The following CDH18 variants were observed in gnomAD, a reference collection of about 807,000 sequenced individuals.
CDH18 encodes the protein cadherin-18.
In CDH18, 31 loss-of-function variants were observed where a neutral mutation model predicts 67.9. That is an observed-to-expected ratio of 0.46 (90% CI 0.34 to 0.62). CDH18 has a LOEUF of 0.62. Ranked by LOEUF, CDH18 falls within the 20% of genes least tolerant of loss-of-function variation. CDH18 has a pLI of 0.01. For missense variants in CDH18, 890 were observed against 975.5 expected (o/e 0.91, Z 1.17); for synonymous variants, 362 against 347.2 (o/e 1.04, Z -0.48).
intron 1 of CDH18, among the ~76,000 whole-genome samples, chr5:20,407,144 C>G (rs959075027): frequency 6.6e-6 from 1 of 152,180 alleles, no homozygotes; most frequent in African/African-American, 2.4e-5. Flanking sequence ...GGCACAGACA[C>G]TTGCCACAGC....
At chr5:19,798,578 T>A (rs1250279429) in intron 3 of CDH18, among the ~76,000 whole-genome samples, 1 of 151,974 alleles carries the variant, frequency 6.6e-6, no homozygotes, top group Non-Finnish European at 1.5e-5. Flanking sequence ...TTTTCCCTCA[T>A]ATTTCATATC....
chr5:20,488,700 T>TATACAC (rs369185147), intron 1 of CDH18, among the ~76,000 whole-genome samples: 3 of 137,304 alleles, frequency 2.2e-5, no homozygotes, highest in African/African-American at 5.4e-5. Context: ...TATATATATA[T>TATACAC]ACACACACAT....
intron 4 of CDH18, among the ~76,000 whole-genome samples, chr5:19,735,262 G>A (rs1220281428): frequency 6.6e-6 from 1 of 151,944 alleles, no homozygotes; most frequent in African/African-American, 2.4e-5. Context: ...TAATCACATG[G>A]AATCTGATCC....
At chr5:19,599,163 T>C (rs1420852891) in intron 6 of CDH18, among the ~76,000 whole-genome samples, 1 of 152,108 alleles carries the variant, frequency 6.6e-6, no homozygotes, top group Non-Finnish European at 1.5e-5. Flanking sequence ...TGTGTGTATA[T>C]ATATTTACAT....
intron 5 of CDH18, among the ~76,000 whole-genome samples, chr5:19,633,261 T>C (rs1304407783): frequency 6.6e-6 from 1 of 152,198 alleles, no homozygotes; most frequent in East Asian, 1.9e-4. Flanking sequence ...ATACAGCTTA[T>C]TTCTCCCAAT....
chr5:20,101,962 T>A (rs928662580), intron 2 of CDH18, among the ~76,000 whole-genome samples: 8 of 151,900 alleles, frequency 5.3e-5, no homozygotes, highest in African/African-American at 1.9e-4. Context: ...TCCTACCTAC[T>A]CAGGAGGCTG....
intron 1 of CDH18, among the ~76,000 whole-genome samples, chr5:20,319,817 CA>C (rs1737830150): frequency 6.6e-6 from 1 of 152,120 alleles, no homozygotes. Context: ...TAGAAACAGT[CA>C]GAGAACTAAT....
chr5:20,203,551 A>T (rs1265871894), intron 2 of CDH18, among the ~76,000 whole-genome samples: 1 of 149,358 alleles, frequency 6.7e-6, no homozygotes, highest in East Asian at 2.0e-4. Context: ...ACTGAGTGGC[A>T]AAAAGGAGGC....
intron 1 of CDH18, among the ~76,000 whole-genome samples, chr5:20,353,220 C>T (rs527319411): frequency 5.9e-5 from 9 of 152,036 alleles, no homozygotes; most frequent in Non-Finnish European, 1.2e-4. Context: ...ATTTGGTTTT[C>T]GTGTTTTGCT....
intron 2 of CDH18, among the ~76,000 whole-genome samples, chr5:19,912,042 G>C (rs2150140555): frequency 6.6e-6 from 1 of 152,142 alleles, no homozygotes; most frequent in African/African-American, 2.4e-5. Flanking sequence ...GGAAATCTAA[G>C]GAGTCATCTA....
rs79753250 is a variant in CDH18, at chr5:20,487,860, C to T, written c.-580+87602G>A. On this transcript the variant is annotated intron_variant, in intron 1 of 14. Coordinates refer to the CDH18 transcript ENST00000507958. ...GACAATATTCCAGATTTTAATATCA[C>T]GAAGATAAATTAGCCATGTTTAATT... Among the ~76,000 whole-genome samples the T allele has an allele frequency of 2.1e-3, 323 of 152,062 alleles. 4 individuals carry two copies. Among genetic ancestry groups the T allele is most frequent in the African/African-American group, 7.5e-3 (313 of 41,474 alleles).
At chr5:20,187,808 G>GTA (rs910187618) in intron 2 of CDH18, among the ~76,000 whole-genome samples, 6 of 151,814 alleles carry the variant, frequency 4.0e-5, no homozygotes, top group African/African-American at 1.4e-4. Context: ...TAAAAGGAAT[G>GTA]TATCTGCACA....
chr5:20,492,555 A>G (rs931379737), intron 1 of CDH18, among the ~76,000 whole-genome samples: 4 of 152,138 alleles, frequency 2.6e-5, no homozygotes, highest in Non-Finnish European at 5.9e-5. Context: ...TCGTTGGTAA[A>G]GTTCATTTTT....
chr5:19,583,029 C>T (rs144853514), intron 7 of CDH18, among the ~76,000 whole-genome samples: 286 of 151,976 alleles, frequency 1.9e-3, no homozygotes, highest in African/African-American at 6.5e-3. Flanking sequence ...ACTCTTAAGA[C>T]CCATCTCAAA....
At chr5:20,431,504 A>AAAAAAAAAAAAAAAGAAG (rs536468948) in intron 1 of CDH18, among the ~76,000 whole-genome samples, 5 of 138,736 alleles carry the variant, frequency 3.6e-5, no homozygotes, top group Admixed American at 7.2e-5. Context: ...AAAAAAAAAA[A>AAAAAAAAAAAAAAAGAAG]AAGAAGAAGA....
intron 2 of CDH18, among the ~76,000 whole-genome samples, chr5:20,056,080 C>A (rs187333257): frequency 1.2e-4 from 17 of 137,614 alleles, no homozygotes; most frequent in African/African-American, 3.8e-4. Flanking sequence ...TCTTGGCTCA[C>A]TATAACCTCT....
chr5:20,217,560 T>G (rs981209029), intron 2 of CDH18, among the ~76,000 whole-genome samples: 1 of 151,296 alleles, frequency 6.6e-6, no homozygotes, highest in African/African-American at 2.4e-5. Context: ...ACATACCACC[T>G]GAGAAAATCA....
chr5:19,781,730 A>T (rs1453042298), intron 3 of CDH18, among the ~76,000 whole-genome samples: 2 of 152,180 alleles, frequency 1.3e-5, no homozygotes, highest in Non-Finnish European at 2.9e-5. Context: ...CAATAGTCTG[A>T]GTCCAGAGAG....
At chr5:20,396,515 C>A (rs1008559149) in intron 1 of CDH18, among the ~76,000 whole-genome samples, 12 of 151,280 alleles carry the variant, frequency 7.9e-5, no homozygotes, top group African/African-American at 2.9e-4. Context: ...AAAAATAAAT[C>A]ATAATAAATG....
Sources: gnomAD v4.1 joint callset for allele counts (sites outside exome capture counted in the v4.1 genomes callset) on GRCh38, gnomAD v4.1.1 for gene constraint, MANE v1.5 for transcripts, NCBI Gene and HGNC (gene_info 2026-07-23, HGNC 2026-07-21) for gene names.